The following RPTOR variants were observed in gnomAD, a reference collection of about 807,000 sequenced individuals.
RPTOR encodes the protein regulatory-associated protein of mTOR.
A neutral mutation model predicts 169.9 loss-of-function variants in RPTOR; 21 were observed. That is an observed-to-expected ratio of 0.12 (90% CI 0.09 to 0.18). The LOEUF (loss-of-function observed/expected upper bound fraction) is 0.18. RPTOR is among the 10% of genes least tolerant of loss of function. The probability of loss-of-function intolerance (pLI) is 1.00; values close to 1 mark genes in which losing one functional copy is unlikely to be tolerated. For synonymous variants in RPTOR, 732 were observed against 753.2 expected (o/e 0.97, Z 0.46); for missense variants, 1,133 against 1,855.9 (o/e 0.61, Z 7.16).
In RPTOR at chr17:80,646,064, G is replaced by C. The variant is rs1263798944; in HGVS notation, c.348+2254G>C. On this transcript the variant is annotated intron_variant, in intron 3 of 33. Transcript: ENST00000306801. The surrounding 1 kb of genome is among the most constrained non-coding windows in gnomAD (Gnocchi z 5.0). The stretch of plus-strand genomic sequence containing the variant: ...ACCAGCGCAGGCGGGATCCCATCTG[G>C]GCTGGTTTATAAAGTGGAATCTGGA... Among the ~76,000 whole-genome samples, 3 of 152,116 alleles carry C rather than the reference G, an allele frequency of 2.0e-5. No homozygotes were observed. The highest frequency in any genetic ancestry group is 7.2e-5 in the African/African-American group (3 of 41,414).
chr17:80,734,807 CG>C (rs1189515746), intron 5 of RPTOR, among the ~76,000 whole-genome samples: 1 of 152,038 alleles, frequency 6.6e-6, no homozygotes, highest in East Asian at 1.9e-4. Context: ...CCAAGACATT[CG>C]GGGAAAAAAA....
In RPTOR at chr17:80,625,776, G is replaced by A. The variant is rs1465623616; in HGVS notation, c.248G>A (p.Arg83His). 3.7e-6 allele frequency: 6 copies of A among 1,611,098 alleles called. No homozygotes were observed. Among genetic ancestry groups the A allele is most frequent in the Non-Finnish European group, 5.1e-6 (6 of 1,178,216 alleles). ...GTGGTGAAGACCACGCCCTGTGCAC[G>A]CTTGGAATGCTGGATCGGTGAGTAT... ...PDVVKTTPCA[R>H]LECWIDPLSM... Residue 83 changes from arginine to histidine, a missense_variant, in exon 2 of 34, where the codon CGC becomes CAC. This residue lies in a region of RPTOR where 74 missense variants were observed against 168.3 expected (regional missense o/e 0.44). Coordinates refer to ENST00000306801, the MANE Select transcript of RPTOR (RefSeq NM_020761.3).
At chr17:80,807,625 T>TA (rs1468452297) in intron 7 of RPTOR, among the ~76,000 whole-genome samples, 1 of 152,194 alleles carries the variant, frequency 6.6e-6, no homozygotes, top group Non-Finnish European at 1.5e-5. Flanking sequence ...GGGCTGGGGT[T>TA]ACAGGCATGA....
intron 1 of RPTOR, among the ~76,000 whole-genome samples, chr17:80,619,989 C>G (rs557447696): frequency 6.6e-6 from 1 of 152,290 alleles, no homozygotes; most frequent in East Asian, 1.9e-4. Context: ...GGCGTGTGCT[C>G]CAGCCTTTAG....
At chr17:80,826,816 C>T (rs2143633672) in intron 9 of RPTOR, among the ~76,000 whole-genome samples, 1 of 152,386 alleles carries the variant, frequency 6.6e-6, no homozygotes, top group East Asian at 1.9e-4. Context: ...CTCCACCAGC[C>T]ACACAGCTAG....
chr17:80,545,828 G>C, intron 1 of RPTOR, 37 bp downstream of exon 1: 1 of 1,516,198 alleles, frequency 6.6e-7, no homozygotes, highest in Non-Finnish European at 8.9e-7. Flanking sequence ...GAACTTGGTA[G>C]TTTCCCCAAC....
rs534271511 is a variant in RPTOR, at chr17:80,883,557, C to T, written c.1650+73C>T. The T allele has an allele frequency of 2.8e-5, 41 of 1,471,770 alleles. No homozygotes were observed. The African/African-American group carries it at 4.2e-4, about 15-fold the overall frequency. The allele number at this position is 1,471,770 out of a possible 1,614,324, so 91.2% of individuals were successfully genotyped here. ...CAGAGGAGCTGGGCCCACTGTGAAA[C>T]GTGGTGCCACATGGGGGACAGGGGG... On this transcript the variant is annotated intron_variant, in intron 15 of 33. Transcript: ENST00000306801.
intron 1 of RPTOR, among the ~76,000 whole-genome samples, chr17:80,578,191 A>G (rs1223109191): frequency 6.6e-6 from 1 of 152,126 alleles, no homozygotes; most frequent in African/African-American, 2.4e-5. Context: ...GTGTGGAGTA[A>G]AGGATCTTTC....
chr17:80,880,516 C>A, intron 14 of RPTOR, 27 bp downstream of exon 14: 1 of 1,608,552 alleles, frequency 6.2e-7, no homozygotes, highest in Non-Finnish European at 8.5e-7. Flanking sequence ...ACGCTCTCCA[C>A]GGGCTTGGGA....
chr17:80,749,446 A>C (rs1173030474), intron 5 of RPTOR, among the ~76,000 whole-genome samples: 2 of 90,098 alleles, frequency 2.2e-5, no homozygotes, highest in South Asian at 1.0e-3. Flanking sequence ...GTGTGTTTAG[A>C]GGCCGTGGCG....
chr17:80,877,216 C>T (rs929497755), intron 13 of RPTOR, among the ~76,000 whole-genome samples: 2 of 152,246 alleles, frequency 1.3e-5, no homozygotes, highest in Admixed American at 6.5e-5. Flanking sequence ...GAGTGAGCAG[C>T]AGCCGAGAGA....
intron 13 of RPTOR, among the ~76,000 whole-genome samples, chr17:80,863,032 A>C (rs1397764679): frequency 1.3e-5 from 2 of 152,206 alleles, no homozygotes; most frequent in African/African-American, 4.8e-5. Flanking sequence ...CCTTTGGGGC[A>C]CACCGTGTGT....
At chr17:80,775,434 G>T (rs1031938052) in intron 6 of RPTOR, among the ~76,000 whole-genome samples, 1 of 152,182 alleles carries the variant, frequency 6.6e-6, no homozygotes, top group Non-Finnish European at 1.5e-5. Context: ...TTTACTTTGA[G>T]TTTAGGCTTC....
intron 1 of RPTOR, among the ~76,000 whole-genome samples, chr17:80,565,415 G>A (rs2084569256): frequency 6.6e-6 from 1 of 152,218 alleles, no homozygotes; most frequent in Non-Finnish European, 1.5e-5. Context: ...ACCATGGGGG[G>A]TGTAGGAGGA....
intron 4 of RPTOR, among the ~76,000 whole-genome samples, chr17:80,717,840 G>A (rs185268408): frequency 5.3e-5 from 8 of 152,274 alleles, no homozygotes; most frequent in Admixed American, 1.3e-4. Flanking sequence ...CCCATGCACC[G>A]CCCTCCCTTG....
intron 1 of RPTOR, among the ~76,000 whole-genome samples, chr17:80,599,180 A>G (rs1159525932): frequency 2.0e-5 from 3 of 152,080 alleles, no homozygotes; most frequent in African/African-American, 7.2e-5. Flanking sequence ...CAGGTTATAA[A>G]AGGCTCTCCC....
intron 21 of RPTOR, among the ~76,000 whole-genome samples, chr17:80,915,019 G>A (rs1278471233): frequency 3.3e-5 from 5 of 152,246 alleles, no homozygotes; most frequent in African/African-American, 1.2e-4. Flanking sequence ...CCTGGACTCA[G>A]CCAGACTCAA....
chr17:80,732,372 T>A (rs2066400022), intron 5 of RPTOR, among the ~76,000 whole-genome samples: 1 of 152,168 alleles, frequency 6.6e-6, no homozygotes, highest in Non-Finnish European at 1.5e-5. Context: ...TACCAAATGC[T>A]TGCATTCCAG....
chr17:80,825,725 C>A (rs535935795), intron 9 of RPTOR, among the ~76,000 whole-genome samples: 1 of 152,244 alleles, frequency 6.6e-6, no homozygotes, highest in Non-Finnish European at 1.5e-5. Context: ...GTGGACACTC[C>A]GGCTTTTCTC....
Sources: gnomAD v4.1 joint callset for allele counts (sites outside exome capture counted in the v4.1 genomes callset) on GRCh38, gnomAD v4.1.1 for gene constraint, gnomAD v4.1.1 regional missense constraint, Gnocchi (gnomAD v3.1) non-coding constraint, MANE v1.5 for transcripts, NCBI Gene and HGNC (gene_info 2026-07-23, HGNC 2026-07-21) for gene names.